DNAJB4: variants seen among roughly 807,000 people sequenced by gnomAD.
DNAJB4 encodes dnaJ homolog subfamily B member 4.
Under a neutral mutation model 26.6 loss-of-function variants are expected in DNAJB4, and 10 were observed. The observed-to-expected ratio is 0.38, with a 90% CI of 0.23 to 0.64. DNAJB4 has a LOEUF of 0.64. DNAJB4 is among the 30% of genes least tolerant of loss of function. DNAJB4 has a pLI of 0.58. For synonymous variants in DNAJB4, 136 were observed against 134.8 expected (o/e 1.01, Z -0.06); for missense variants, 328 against 408.2 (o/e 0.80, Z 1.69).
intron 1 of DNAJB4, among the ~76,000 whole-genome samples, chr1:77,984,288 G>T (rs1462091924): frequency 6.6e-6 from 1 of 152,126 alleles, no homozygotes; most frequent in East Asian, 1.9e-4. Flanking sequence ...TCCTATTCAT[G>T]AATCAATTGA....
chr1:78,007,160 G>GTT (rs903598842), intron 1 of DNAJB4, among the ~76,000 whole-genome samples: 1 of 146,332 alleles, frequency 6.8e-6, no homozygotes. Flanking sequence ...TATACCCTGG[G>GTT]TTTTTTTTTT....
upstream of DNAJB4, among the ~76,000 whole-genome samples, chr1:77,979,819 G>A (rs1659458956): frequency 6.6e-6 from 1 of 152,148 alleles, no homozygotes; most frequent in Non-Finnish European, 1.5e-5. Context: ...TTAAAGTTCA[G>A]TGTTAGCCAG....
chr1:78,005,015 C>T lies in DNAJB4; in HGVS notation c.-96C>T. 1.6e-6 allele frequency: 2 copies of T among 1,265,806 alleles called. No individual in the cohort carries two copies. Among genetic ancestry groups the T allele is most frequent in the Non-Finnish European group, 2.2e-6 (2 of 900,254 alleles). 78.4% of individuals were successfully genotyped at this position (1,265,806 alleles called of 1,614,324 possible). A position where few individuals can be genotyped will look rare whatever the true frequency, so the allele number is the denominator to read the frequency against. On this transcript the variant is annotated 5_prime_UTR_variant, in exon 1 of 3. Transcript: ENST00000370763. ...AATTGCTGATTAACTTTTAAAATAC[C>T]CAGCTTGGTTTATTTTTCTTAGAAT...
chr1:77,980,339 A>ATATATATG (rs1477495217), intron 1 of DNAJB4: 85 of 126,130 alleles, frequency 6.7e-4, no homozygotes, highest in African/African-American at 3.1e-3. Context: ...ATATATATAT[A>ATATATATG]TGTGTGTGTG....
upstream of DNAJB4, among the ~76,000 whole-genome samples, chr1:77,979,968 C>T (rs1043515863): frequency 3.3e-5 from 5 of 152,012 alleles, no homozygotes; most frequent in African/African-American, 1.2e-4. Context: ...CTGCATCCTC[C>T]GCCTCCTGGG....
At chr1:78,004,918 C>T (rs1039649696), upstream of DNAJB4, 1 of 610,690 alleles carries the variant, frequency 1.6e-6, no homozygotes, top group African/African-American at 1.9e-5. Flanking sequence ...GTATATTTAT[C>T]TGTAAGTGAG....
chr1:77,980,495 G>A (rs371055849), intron 1 of DNAJB4, among the ~76,000 whole-genome samples: 3 of 151,986 alleles, frequency 2.0e-5, no homozygotes, highest in East Asian at 3.8e-4. Flanking sequence ...TCCAGGAATC[G>A]TGAGGATACT....
intron 1 of DNAJB4, chr1:77,980,452 G>A (rs1659554826): frequency 6.6e-6 from 1 of 151,726 alleles, no homozygotes; most frequent in Admixed American, 6.6e-5. Flanking sequence ...AACATATCGT[G>A]GCATGTAATT....
intron 2 of DNAJB4, among the ~76,000 whole-genome samples, 200 bp downstream of exon 2, chr1:78,013,819 T>G (rs1660561957): frequency 6.6e-6 from 1 of 152,042 alleles, no homozygotes; most frequent in African/African-American, 2.4e-5. Flanking sequence ...TACTTATAAT[T>G]AAAGTGTCAA....
chr1:77,983,053 C>T (rs997793072), intron 1 of DNAJB4, among the ~76,000 whole-genome samples: 1 of 152,182 alleles, frequency 6.6e-6, no homozygotes, highest in Non-Finnish European at 1.5e-5. Context: ...ATTTATTGAT[C>T]ATTCGTGGGT....
intron 1 of DNAJB4, among the ~76,000 whole-genome samples, chr1:78,011,034 T>C (rs528001194): frequency 6.6e-6 from 1 of 152,370 alleles, no homozygotes; most frequent in Non-Finnish European, 1.5e-5. Context: ...TGTTGGATTT[T>C]TCATAGTTTT....
At chr1:78,010,507 C>T (rs934403078) in intron 1 of DNAJB4, among the ~76,000 whole-genome samples, 6 of 152,102 alleles carry the variant, frequency 3.9e-5, no homozygotes, top group African/African-American at 1.4e-4. Context: ...ACTTGTCATT[C>T]TACAAGGAAT....
chr1:78,004,333 C>G (rs1334787653), upstream of DNAJB4: 1 of 152,182 alleles, frequency 6.6e-6, no homozygotes, highest in Non-Finnish European at 1.5e-5. Flanking sequence ...TAGCTAAAAT[C>G]ATGTTTAAGT....
chr1:77,998,050 C>T (rs1270543281), intron 1 of DNAJB4, among the ~76,000 whole-genome samples: 1 of 152,218 alleles, frequency 6.6e-6, no homozygotes, highest in Admixed American at 6.5e-5. Flanking sequence ...GCTGGGATTA[C>T]AGGCGTGAGC....
At chr1:77,980,477 T>C (rs1659559002) in intron 1 of DNAJB4, among the ~76,000 whole-genome samples, 1 of 152,100 alleles carries the variant, frequency 6.6e-6, no homozygotes, top group Non-Finnish European at 1.5e-5. Flanking sequence ...GTGTTAATAG[T>C]AGTAAGCTCC....
chr1:78,004,627 T>G (rs1267713624), upstream of DNAJB4: 1 of 154,204 alleles, frequency 6.5e-6, no homozygotes, highest in Non-Finnish European at 1.4e-5. Flanking sequence ...TTAATGACTG[T>G]GATGATTTTC....
rs1660670760 is a variant in DNAJB4, at chr1:78,017,482, G to A, written c.*1235G>A. 1.3e-5 allele frequency: 2 copies of A among 151,714 alleles called. No homozygotes were observed. The highest frequency in any genetic ancestry group is 2.4e-5 in the African/African-American group (1 of 41,330). The allele number at this position is 151,714 out of a possible 1,614,324, so 9.4% of individuals were successfully genotyped here. ...AATCCAATATAAATAGGTTATAATA[G>A]CCATATTCTTTATTACTTTATTGAG... On this transcript the variant is annotated 3_prime_UTR_variant, in exon 3 of 3. Coordinates refer to ENST00000370763, the MANE Select transcript of DNAJB4 (RefSeq NM_007034.5).
Position 78,005,275 on chromosome 1 carries a change from G to C in DNAJB4, c.165G>C (p.Leu55Phe). ...AGGTCGCAGAAGCTTATGAAGTATT[G>C]AGTGATCCTAAAAAGAGAGAAATAT... is the stretch of plus-strand genomic sequence containing the variant. ...FKEVAEAYEVLSDPKKREIYD... is the reference protein window; with the variant it reads ...FKEVAEAYEVFSDPKKREIYD... Residue 55 changes from leucine to phenylalanine, a missense_variant, in exon 1 of 3, where the codon TTG (leucine) becomes TTC (phenylalanine). Physicochemically the swap from Leu to Phe is conservative, Grantham distance 22 (BLOSUM62 0). Transcript: ENST00000370763. The C allele has an allele frequency of 2.5e-6, 4 of 1,613,906 alleles. No homozygotes were observed. The highest frequency in any genetic ancestry group is 3.4e-6 in the Non-Finnish European group (4 of 1,179,946).
intron 1 of DNAJB4, among the ~76,000 whole-genome samples, chr1:78,010,386 A>C (rs1192179152): frequency 2.0e-5 from 3 of 152,154 alleles, no homozygotes; most frequent in Non-Finnish European, 4.4e-5. Flanking sequence ...CTATCATTAA[A>C]AAAAAAATCT....
Sources: gnomAD v4.1 joint callset for allele counts (sites outside exome capture counted in the v4.1 genomes callset) on GRCh38, gnomAD v4.1.1 for gene constraint, MANE v1.5 for transcripts, NCBI Gene and HGNC (gene_info 2026-07-23, HGNC 2026-07-21) for gene names.